Variants in URB1 observed in about 807,000 individuals in gnomAD.
URB1 encodes nucleolar pre-ribosomal-associated protein 1.
In URB1, 197 loss-of-function variants were observed where a neutral mutation model predicts 242.3. The observed-to-expected ratio is 0.81, with a 90% confidence interval of 0.72 to 0.91. The LOEUF is 0.91. Ranked by LOEUF, URB1 falls within the 40% of genes least tolerant of loss-of-function variation. URB1 has a pLI of 0.00. For missense variants in URB1, 2,721 were observed against 2,860.5 expected, an observed-to-expected ratio of 0.95 and a Z score of 1.11; for synonymous variants, 1,153 against 1,201.8, an observed-to-expected ratio of 0.96 and a Z score of 0.84.
intron 7 of URB1, among the ~76,000 whole-genome samples, chr21:32,373,323 A>T (rs2033425528): frequency 6.6e-6 from 1 of 152,174 alleles, no homozygotes; most frequent in Non-Finnish European, 1.5e-5. Flanking sequence ...GGGAAGGCAG[A>T]GGTAAAGCAA....
At chr21:32,327,048 A>C (rs2032837870) in intron 30 of URB1, among the ~76,000 whole-genome samples, 1 of 152,188 alleles carries the variant, frequency 6.6e-6, no homozygotes, top group Admixed American at 6.5e-5. Context: ...TAATGGCCAA[A>C]ACTTTTTGAA....
intron 4 of URB1, 141 bp downstream of exon 4, chr21:32,383,281 G>A (rs1000089116): frequency 2.7e-6 from 3 of 1,116,056 alleles, no homozygotes; most frequent in Non-Finnish European, 3.7e-6. Flanking sequence ...AGATCCTGTG[G>A]CTGCTGACAC....
chr21:32,336,877 T>C (rs2032965449), intron 28 of URB1, among the ~76,000 whole-genome samples: 1 of 152,194 alleles, frequency 6.6e-6, no homozygotes, highest in Admixed American at 6.5e-5. Context: ...CACCCATCAG[T>C]CAGCTGCAGT....
Position 32,345,404 on chromosome 21 carries a change from C to T in URB1, c.4040G>A (p.Ser1347Asn). The T allele has an allele frequency of 6.4e-7, 1 of 1,551,354 alleles. No homozygotes were observed. The highest frequency in any genetic ancestry group is 8.7e-7 in the Non-Finnish European group (1 of 1,146,930). ...DLSVLMDRLP[S>N]LLHTPSSHKR... is the part of the protein sequence containing the mutation. The stretch of plus-strand genomic sequence containing the variant: ...GTGACTGCTTGGGGTGTGAAGCAAG[C>T]TGGGCAGGCGGTCCATGAGTACACT... Residue 1347 changes from serine to asparagine, a missense_variant, in exon 23 of 39, where the codon AGC becomes AAC. Transcript: ENST00000382751.
intron 22 of URB1, 45 bp downstream of exon 22, chr21:32,346,911 G>A (rs2123578188): frequency 1.4e-5 from 21 of 1,461,064 alleles, no homozygotes; most frequent in South Asian, 2.9e-5. Flanking sequence ...TTCTTAGCCC[G>A]TGCAACTTAA....
intron 20 of URB1, 93 bp from the exon 21 acceptor site, chr21:32,349,576 G>A (rs2033132898): frequency 2.2e-6 from 3 of 1,341,708 alleles, no homozygotes; most frequent in Non-Finnish European, 3.0e-6. Flanking sequence ...CAGAGCAGGA[G>A]ACTCGGGAGG....
chr21:32,361,156 G>GAAA (rs145739787), intron 12 of URB1, 33 bp from the exon 13 acceptor site: 1 of 381,680 alleles, frequency 2.6e-6, no homozygotes, highest in Non-Finnish European at 4.1e-6. Context: ...AAGAAAAAGA[G>GAAA]AAAAAAGAAA....
Position 32,375,439 on chromosome 21 carries a change from T to G in URB1, c.709A>C (p.Ile237Leu), listed in dbSNP as rs750583629. ...IFSSGIKEDR[I>L]STINILLSTL... The stretch of plus-strand genomic sequence containing the variant: ...GATAATAAAATATTGATGGTAGAGA[T>G]CCTATCTTCCTTTATCCCTGAGCTA... Residue 237 changes from isoleucine to leucine, a missense_variant, in exon 6 of 39, where the codon ATC (isoleucine) becomes CTC (leucine). Physicochemically the swap from Ile to Leu is conservative, Grantham distance 5 (BLOSUM62 2). Coordinates refer to ENST00000382751, the MANE Select transcript of URB1 (RefSeq NM_014825.3). 2.1e-5 allele frequency: 33 copies of G among 1,541,608 alleles called. No homozygotes were observed. The highest frequency in any genetic ancestry group is 2.8e-5 in the African/African-American group (2 of 72,462).
chr21:32,351,576 T>C (rs760786504), intron 19 of URB1, among the ~76,000 whole-genome samples: 10 of 152,074 alleles, frequency 6.6e-5, no homozygotes, highest in Non-Finnish European at 1.5e-4. Flanking sequence ...CAGCAGCATG[T>C]GTGAAATGCA....
At chr21:32,365,990 G>T (rs1184440092) in intron 10 of URB1, among the ~76,000 whole-genome samples, 3 of 152,230 alleles carry the variant, frequency 2.0e-5, no homozygotes, top group African/African-American at 7.2e-5. Flanking sequence ...ACAACCCACA[G>T]CCATTCACCT....
At position 32,361,077 on chromosome 21, in the gene URB1, T is replaced by C; in HGVS notation, c.1686A>G (p.Ile562Met). The change falls in exon 13 of 39, where the codon ATA becomes ATG. Residue 562 changes from isoleucine to methionine, a missense_variant. Coordinates refer to ENST00000382751, the MANE Select transcript of URB1 (RefSeq NM_014825.3). ...GGGGGACCACCTTCTGGTAGAGGCA[T>C]ATGACCTGGAGCAAAACAGCTTTCA... ...ILLKAVLLQVICLYQKVVPHV... is the reference protein window; with the variant it reads ...ILLKAVLLQVMCLYQKVVPHV... 1 of 1,550,298 alleles carries C rather than the reference T, an allele frequency of 6.5e-7. No homozygotes were observed. Among genetic ancestry groups the C allele is most frequent in the South Asian group, 1.2e-5 (1 of 83,984 alleles).
At chr21:32,381,126 CCT>C (rs2033519969) in intron 4 of URB1, among the ~76,000 whole-genome samples, 1 of 152,204 alleles carries the variant, frequency 6.6e-6, no homozygotes, top group Non-Finnish European at 1.5e-5. Flanking sequence ...GGGGCTCCAT[CCT>C]CTGTTTCCAG....
intron 21 of URB1, among the ~76,000 whole-genome samples, chr21:32,348,627 G>A (rs561958258): frequency 1.3e-5 from 2 of 152,266 alleles, no homozygotes; most frequent in East Asian, 3.9e-4. Flanking sequence ...TATTCTTAGG[G>A]AAGGAAAGAG....
intron 12 of URB1, 46 bp from the exon 13 acceptor site, chr21:32,361,169 A>AAGAAAGAAAGAAAG (rs1186627053): frequency 1.6e-6 from 1 of 640,916 alleles, no homozygotes; most frequent in Admixed American, 3.3e-5. Flanking sequence ...AAAAGAAAGA[A>AAGAAAGAAAGAAAG]AGAAAGAAAG....
intron 14 of URB1, 69 bp from the exon 15 acceptor site, chr21:32,357,725 T>C: frequency 8.5e-7 from 1 of 1,173,750 alleles, no homozygotes; most frequent in Non-Finnish European, 1.1e-6. Context: ...TATATAGTTA[T>C]ATATTAGAAA....
chr21:32,360,041 G>T, intron 13 of URB1, 133 bp from the exon 14 acceptor site: 1 of 791,822 alleles, frequency 1.3e-6, no homozygotes, highest in Non-Finnish European at 2.0e-6. Context: ...CTGTTTCTCT[G>T]TCCTGTGCTC....
At chr21:32,320,480 T>C (rs2032751390) in intron 35 of URB1, 51 bp downstream of exon 35, 2 of 1,352,140 alleles carry the variant, frequency 1.5e-6, no homozygotes, top group Non-Finnish European at 2.1e-6. Flanking sequence ...TCATCGTTTC[T>C]GTTCCTTTCC....
chr21:32,368,647 C>T (rs768555480), intron 8 of URB1, 49 bp from the exon 9 acceptor site: 2 of 1,482,246 alleles, frequency 1.3e-6, no homozygotes, highest in South Asian at 1.3e-5. Context: ...ATGGTCAAAG[C>T]ACCCTGAGAG....
intron 2 of URB1, among the ~76,000 whole-genome samples, 191 bp from the exon 3 acceptor site, chr21:32,384,655 T>C (rs990942036): frequency 6.6e-6 from 1 of 152,142 alleles, no homozygotes; most frequent in Non-Finnish European, 1.5e-5. Flanking sequence ...GCCCTGCATG[T>C]AGCCCCACTC....
Sources: allele counts gnomAD v4.1 joint callset (sites outside exome capture counted in the v4.1 genomes callset), GRCh38; gene constraint gnomAD v4.1.1; transcripts MANE v1.5; gene names NCBI Gene and HGNC (gene_info 2026-07-23, HGNC 2026-07-21).